The following DPYD variants were observed in gnomAD, a reference collection of about 807,000 sequenced individuals.
DPYD encodes the protein dihydropyrimidine dehydrogenase.
DPYD carries 109 observed loss-of-function variants against 116.2 expected under a neutral mutation model. The observed-to-expected ratio is 0.94, with a 90% CI of 0.80 to 1.10. The LOEUF (loss-of-function observed/expected upper bound fraction) is 1.10. DPYD is among the 50% of genes least tolerant of loss of function. The pLI is 0.00. For missense variants in DPYD, 1,302 were observed against 1,254.5 expected, an observed-to-expected ratio of 1.04 and a Z score of -0.57; for synonymous variants, 440 against 432.0, an observed-to-expected ratio of 1.02 and a Z score of -0.23.
chr1:97,214,760 G>A (rs12120068), intron 19 of DPYD, among the ~76,000 whole-genome samples: 14,615 of 152,178 alleles, frequency 0.096, 890 homozygotes, highest in South Asian at 0.22. Flanking sequence ...GTTGTTCCAC[G>A]TGGCCAGTTG....
At chr1:97,522,603 C>T (rs546205312) in intron 12 of DPYD, among the ~76,000 whole-genome samples, 1 of 151,878 alleles carries the variant, frequency 6.6e-6, no homozygotes, top group Non-Finnish European at 1.5e-5. Flanking sequence ...CCTGTAGTCC[C>T]AGCTACTTGG....
chr1:97,080,248 C>G (rs182238897), intron 22 of DPYD, among the ~76,000 whole-genome samples: 1 of 152,116 alleles, frequency 6.6e-6, no homozygotes, highest in African/African-American at 2.4e-5. Flanking sequence ...AAGTGTCTCT[C>G]CACCCCCATG....
At chr1:97,204,269 T>C (rs894283866) in intron 19 of DPYD, among the ~76,000 whole-genome samples, 13 of 152,172 alleles carry the variant, frequency 8.5e-5, no homozygotes, top group African/African-American at 3.1e-4. Context: ...ACAAAGTTTG[T>C]GGTTTTGCAG....
intron 3 of DPYD, among the ~76,000 whole-genome samples, chr1:97,776,666 A>G (rs1319131200): frequency 6.6e-6 from 1 of 152,224 alleles, no homozygotes; most frequent in Non-Finnish European, 1.5e-5. Context: ...TCTAAAAAAG[A>G]CAGAGAAACT....
chr1:97,100,307 T>C (rs1339093656), intron 20 of DPYD, among the ~76,000 whole-genome samples: 1 of 152,050 alleles, frequency 6.6e-6, no homozygotes, highest in Non-Finnish European at 1.5e-5. Flanking sequence ...TTACACTTGG[T>C]GCCAAAAAAA....
At chr1:97,159,668 T>G (rs933064781) in intron 20 of DPYD, among the ~76,000 whole-genome samples, 1 of 152,070 alleles carries the variant, frequency 6.6e-6, no homozygotes, top group African/African-American at 2.4e-5. Flanking sequence ...CAGAAACTAT[T>G]CAGGGGGCAA....
At chr1:97,408,934 G>A (rs928620450) in intron 14 of DPYD, among the ~76,000 whole-genome samples, 1 of 152,078 alleles carries the variant, frequency 6.6e-6, no homozygotes, top group African/African-American at 2.4e-5. Flanking sequence ...GGGCTCTTGG[G>A]CCTTCATCCA....
intron 12 of DPYD, among the ~76,000 whole-genome samples, chr1:97,526,268 G>C (rs1467302776): frequency 6.6e-6 from 1 of 152,084 alleles, no homozygotes; most frequent in African/African-American, 2.4e-5. Context: ...AAAGTAAGAA[G>C]ATTTTTCGTG....
chr1:97,346,580 C>T (rs541369614), intron 16 of DPYD, among the ~76,000 whole-genome samples: 1 of 151,862 alleles, frequency 6.6e-6, no homozygotes, highest in South Asian at 2.1e-4. Context: ...GTCCATAAGG[C>T]ATTTTTCTAT....
intron 3 of DPYD, among the ~76,000 whole-genome samples, chr1:97,823,300 C>T (rs374933999): frequency 3.3e-5 from 5 of 151,972 alleles, no homozygotes; most frequent in African/African-American, 9.6e-5. Flanking sequence ...GACTACAGGC[C>T]CCCGCCACCA....
intron 12 of DPYD, among the ~76,000 whole-genome samples, chr1:97,529,935 TCTTTA>T (rs775119588): frequency 1.3e-5 from 2 of 151,004 alleles, no homozygotes; most frequent in African/African-American, 2.4e-5. Flanking sequence ...TTTCTTTCCT[TCTTTA>T]CTTTTCTTTT....
chr1:97,761,351 C>T (rs771447753), intron 3 of DPYD, among the ~76,000 whole-genome samples: 3 of 151,482 alleles, frequency 2.0e-5, no homozygotes, highest in Non-Finnish European at 2.9e-5. Flanking sequence ...TTAAAATTCT[C>T]ATAAGAAAAG....
chr1:97,323,713 C>T (rs529121975), intron 16 of DPYD, among the ~76,000 whole-genome samples: 10 of 142,070 alleles, frequency 7.0e-5, no homozygotes, highest in South Asian at 2.2e-4. Context: ...TATATATATA[C>T]ACACACACAT....
chr1:97,846,656 T>C (rs1043769004), intron 2 of DPYD, among the ~76,000 whole-genome samples: 1 of 152,236 alleles, frequency 6.6e-6, no homozygotes, highest in African/African-American at 2.4e-5. Flanking sequence ...GAGATTGGTA[T>C]GAATATAAAG....
intron 7 of DPYD, 37 bp from the exon 8 acceptor site, chr1:97,679,219 A>T: frequency 8.8e-7 from 1 of 1,140,048 alleles, no homozygotes; most frequent in South Asian, 1.4e-5. Context: ...AAAATTTGGC[A>T]TATGATTAAT....
chr1:97,826,249 T>C (rs1305670855), intron 3 of DPYD, among the ~76,000 whole-genome samples: 1 of 152,246 alleles, frequency 6.6e-6, no homozygotes, highest in African/African-American at 2.4e-5. Context: ...ATGTTATGTA[T>C]AACGAAATTT....
At chr1:97,425,963 AC>A (rs1205088594) in intron 14 of DPYD, among the ~76,000 whole-genome samples, 17 of 151,370 alleles carry the variant, frequency 1.1e-4, no homozygotes, top group African/African-American at 3.7e-4. Flanking sequence ...AAAAAAAAAA[AC>A]AACATTTGTC....
intron 14 of DPYD, among the ~76,000 whole-genome samples, chr1:97,393,892 G>C (rs1672859877): frequency 6.6e-6 from 1 of 152,080 alleles, no homozygotes; most frequent in South Asian, 2.1e-4. Flanking sequence ...GGTTGAATTA[G>C]TTTACAGTCC....
intron 13 of DPYD, among the ~76,000 whole-genome samples, chr1:97,478,581 C>T (rs1453198959): frequency 6.6e-6 from 1 of 152,194 alleles, no homozygotes; most frequent in Non-Finnish European, 1.5e-5. Flanking sequence ...CCACCACGCT[C>T]AGCCAATTTA....
Sources: gnomAD v4.1 joint callset for allele counts (sites outside exome capture counted in the v4.1 genomes callset) on GRCh38, gnomAD v4.1.1 for gene constraint, MANE v1.5 for transcripts, NCBI Gene and HGNC (gene_info 2026-07-23, HGNC 2026-07-21) for gene names.